The following TRPM7 variants were observed in gnomAD, a reference collection of about 807,000 sequenced individuals.
TRPM7 encodes the protein transient receptor potential cation channel subfamily M member 7, also known as LTRPC ion channel family member 7.
In TRPM7, 134 loss-of-function variants were observed where a neutral mutation model predicts 229.7. The ratio of observed to expected loss-of-function variants is 0.58; its 90% CI spans 0.51 to 0.67. TRPM7 has a LOEUF of 0.67. Among genes scored for constraint, TRPM7 ranks in the 30% least tolerant of loss-of-function variants. The pLI is 0.00. For missense variants in TRPM7, 1,901 were observed against 2,210.0 expected (o/e 0.86, Z 2.80); for synonymous variants, 699 against 715.2 (o/e 0.98, Z 0.36).
At chr15:50,590,049 G>T (rs1196088891) in intron 26 of TRPM7, among the ~76,000 whole-genome samples, 1 of 151,934 alleles carries the variant, frequency 6.6e-6, no homozygotes, top group Non-Finnish European at 1.5e-5. Context: ...GTAGAGACAG[G>T]GTTTCACCAT....
At chr15:50,664,618 G>A (rs2061832985) in intron 1 of TRPM7, among the ~76,000 whole-genome samples, 1 of 152,086 alleles carries the variant, frequency 6.6e-6, no homozygotes, top group Admixed American at 6.6e-5. Flanking sequence ...GACAAATCTA[G>A]GCTCACAGAA....
At chr15:50,640,818 A>G (rs1169066428) in intron 5 of TRPM7, among the ~76,000 whole-genome samples, 1 of 152,180 alleles carries the variant, frequency 6.6e-6, no homozygotes, top group African/African-American at 2.4e-5. Context: ...AACACCAAGG[A>G]TACCTATACA....
intron 36 of TRPM7, 58 bp from the exon 37 acceptor site, chr15:50,570,213 C>T: frequency 8.4e-7 from 1 of 1,187,908 alleles, no homozygotes; most frequent in Non-Finnish European, 1.2e-6. Flanking sequence ...GACATAAATA[C>T]TGACATCTGC....
intron 6 of TRPM7, among the ~76,000 whole-genome samples, chr15:50,638,059 C>A (rs1035992360): frequency 6.0e-5 from 9 of 150,936 alleles, no homozygotes; most frequent in African/African-American, 2.2e-4. Context: ...TCTACTAAAA[C>A]TACAAAAATT....
At chr15:50,584,141 T>C (rs539485764) in intron 28 of TRPM7, among the ~76,000 whole-genome samples, 1 of 152,288 alleles carries the variant, frequency 6.6e-6, no homozygotes, top group African/African-American at 2.4e-5. Context: ...GTCATTAAGT[T>C]ACAAATCAAC....
intron 1 of TRPM7, among the ~76,000 whole-genome samples, chr15:50,666,817 G>A (rs2061894370): frequency 6.6e-6 from 1 of 152,004 alleles, no homozygotes; most frequent in South Asian, 2.1e-4. Flanking sequence ...AAAAAGAAGA[G>A]GCGGTGGAGG....
chr15:50,666,376 G>A (rs1045398279), intron 1 of TRPM7, among the ~76,000 whole-genome samples: 20 of 152,100 alleles, frequency 1.3e-4, no homozygotes, highest in African/African-American at 4.8e-4. Context: ...GGGAGCTCGA[G>A]GCTGCAGCGA....
intron 20 of TRPM7, among the ~76,000 whole-genome samples, chr15:50,605,592 A>G (rs1160489858): frequency 6.6e-6 from 1 of 152,184 alleles, no homozygotes; most frequent in Non-Finnish European, 1.5e-5. Context: ...AATTTTAAGA[A>G]TCATCTTTTG....
chr15:50,588,895 T>G (rs2059409380), intron 27 of TRPM7, among the ~76,000 whole-genome samples: 1 of 152,224 alleles, frequency 6.6e-6, no homozygotes, highest in Non-Finnish European at 1.5e-5. Context: ...GTACATAATA[T>G]ACAGCTTCTC....
intron 5 of TRPM7, among the ~76,000 whole-genome samples, chr15:50,642,635 C>A (rs2061137654): frequency 6.6e-6 from 1 of 152,132 alleles, no homozygotes; most frequent in Non-Finnish European, 1.5e-5. Context: ...CCTTCACCTT[C>A]CACCATGATT....
chr15:50,649,448 A>AG (rs1555428557), intron 3 of TRPM7, among the ~76,000 whole-genome samples: 14 of 151,846 alleles, frequency 9.2e-5, no homozygotes, highest in South Asian at 2.1e-4. Context: ...AAAAAAAAAA[A>AG]AAAGAAAGAA....
intron 1 of TRPM7, among the ~76,000 whole-genome samples, chr15:50,664,021 C>T (rs927506188): frequency 6.6e-6 from 1 of 151,830 alleles, no homozygotes; most frequent in African/African-American, 2.4e-5. Context: ...CAGATTTGGC[C>T]GCGTGCGGTG....
intron 3 of TRPM7, among the ~76,000 whole-genome samples, chr15:50,654,436 G>C (rs775757868): frequency 6.6e-6 from 1 of 150,552 alleles, no homozygotes; most frequent in Non-Finnish European, 1.5e-5. Flanking sequence ...AACAGAACAA[G>C]ACACCATCTC....
chr15:50,679,540 T>TATA (rs1567129715), intron 1 of TRPM7, among the ~76,000 whole-genome samples: 1 of 49,542 alleles, frequency 2.0e-5, no homozygotes, highest in Non-Finnish European at 4.3e-5. Context: ...ATATATATAT[T>TATA]TTTTTTTTTT....
chr15:50,680,547 T>C (rs1363604732), intron 1 of TRPM7, among the ~76,000 whole-genome samples: 1 of 150,246 alleles, frequency 6.7e-6, no homozygotes, highest in Non-Finnish European at 1.5e-5. Context: ...CTAGCCTAAT[T>C]GACAGAGAGA....
intron 1 of TRPM7, among the ~76,000 whole-genome samples, chr15:50,682,173 CAAAA>C (rs34590459): frequency 2.0e-4 from 13 of 63,680 alleles, no homozygotes; most frequent in Admixed American, 1.8e-3. Flanking sequence ...AACTCAGTCT[CAAAA>C]AAAAAAAAAA....
chr15:50,618,604 TAAATAAATAAAC>T (rs60815879), intron 13 of TRPM7, among the ~76,000 whole-genome samples: 23,540 of 150,110 alleles, frequency 0.16, 2,234 homozygotes, highest in Admixed American at 0.28. Flanking sequence ...AATAAATAAA[TAAATAAATAAAC>T]GTATGTTAAA....
chr15:50,604,683 G>T, intron 21 of TRPM7, 183 bp downstream of exon 21: 1 of 561,940 alleles, frequency 1.8e-6, no homozygotes, highest in Non-Finnish European at 3.1e-6. Flanking sequence ...AGCACTAAAT[G>T]GGTATAGGGG....
At chr15:50,632,814 G>T (rs2060777604) in intron 9 of TRPM7, 55 bp downstream of exon 9, 2 of 1,443,166 alleles carry the variant, frequency 1.4e-6, no homozygotes, top group South Asian at 3.2e-5. Context: ...AATGTGTTTT[G>T]AATGAAAGAA....
Sources: allele counts gnomAD v4.1 joint callset (sites outside exome capture counted in the v4.1 genomes callset), GRCh38; gene constraint gnomAD v4.1.1; transcripts MANE v1.5; gene names NCBI Gene and HGNC (gene_info 2026-07-23, HGNC 2026-07-21).